ZNF423: variants seen among roughly 807,000 people sequenced by gnomAD.
ZNF423 encodes the protein Ebf-associated zinc finger protein.
ZNF423 carries 12 observed loss-of-function variants against 95.8 expected under a neutral mutation model. The observed-to-expected ratio is 0.13, with a 90% confidence interval of 0.08 to 0.20. The LOEUF is 0.20. ZNF423 is among the 10% of genes least tolerant of loss of function. The pLI is 1.00. For missense variants in ZNF423, 1,316 were observed against 1,737.1 expected, an observed-to-expected ratio of 0.76 and a Z score of 4.31; for synonymous variants, 749 against 711.9, an observed-to-expected ratio of 1.05 and a Z score of -0.83.
chr16:49,522,834 T>G (rs1478452462), intron 7 of ZNF423, among the ~76,000 whole-genome samples: 2 of 152,228 alleles, frequency 1.3e-5, no homozygotes, highest in East Asian at 3.9e-4. Flanking sequence ...GATTTTTCTG[T>G]GTACGTGTGT....
intron 2 of ZNF423, among the ~76,000 whole-genome samples, chr16:49,758,079 G>C (rs1189640312): frequency 6.6e-6 from 1 of 152,200 alleles, no homozygotes; most frequent in African/African-American, 2.4e-5. Flanking sequence ...CCTGCCAAAG[G>C]TAGAAAATGG....
At chr16:49,633,557 G>A (rs540171711) in intron 4 of ZNF423, among the ~76,000 whole-genome samples, 4 of 152,288 alleles carry the variant, frequency 2.6e-5, no homozygotes, top group African/African-American at 9.6e-5. Context: ...CTCTGGCTTC[G>A]TAGTGGAACA....
At chr16:49,633,302 G>A (rs992662495) in intron 4 of ZNF423, among the ~76,000 whole-genome samples, 4 of 152,212 alleles carry the variant, frequency 2.6e-5, no homozygotes, top group Admixed American at 6.5e-5. Context: ...AAATATCAGC[G>A]ACATTTACTA....
chr16:49,838,531 C>A (rs2035145600), intron 1 of ZNF423, among the ~76,000 whole-genome samples: 1 of 152,196 alleles, frequency 6.6e-6, no homozygotes, highest in Admixed American at 6.5e-5. Context: ...CCCAGCCCCA[C>A]CCCAAAGCGG....
intron 3 of ZNF423, among the ~76,000 whole-genome samples, chr16:49,657,899 T>A (rs2029971279): frequency 6.6e-6 from 1 of 152,192 alleles, no homozygotes; most frequent in Non-Finnish European, 1.5e-5. Context: ...CCACAGCCCC[T>A]AATCTGCACC....
intron 5 of ZNF423, among the ~76,000 whole-genome samples, chr16:49,612,237 G>A (rs1349704735): frequency 1.3e-5 from 2 of 151,740 alleles, no homozygotes; most frequent in Admixed American, 6.6e-5. Flanking sequence ...AATCCCTGAC[G>A]AAGTATTAGC....
At chr16:49,693,204 A>T (rs938649532) in intron 3 of ZNF423, among the ~76,000 whole-genome samples, 1 of 152,200 alleles carries the variant, frequency 6.6e-6, no homozygotes, top group Non-Finnish European at 1.5e-5. Context: ...TCCATTCATC[A>T]AATATCTATT....
chr16:49,778,374 C>T (rs943672469), intron 2 of ZNF423, among the ~76,000 whole-genome samples: 18 of 152,230 alleles, frequency 1.2e-4, no homozygotes, highest in Admixed American at 6.5e-4. Context: ...AGCCAACACA[C>T]GCCAGGTGGT....
intron 5 of ZNF423, among the ~76,000 whole-genome samples, chr16:49,606,642 C>T (rs548203801): frequency 6.6e-6 from 1 of 152,284 alleles, no homozygotes; most frequent in Non-Finnish European, 1.5e-5. Flanking sequence ...TTAGGAAGCA[C>T]ATGAATGTTT....
chr16:49,557,712 T>C (rs143477966), intron 5 of ZNF423, among the ~76,000 whole-genome samples: 1 of 152,238 alleles, frequency 6.6e-6, no homozygotes, highest in African/African-American at 2.4e-5. Flanking sequence ...TTCACAAAGA[T>C]GCAGAAACTC....
intron 1 of ZNF423, among the ~76,000 whole-genome samples, chr16:49,797,422 A>C (rs2034515692): frequency 6.6e-6 from 1 of 152,206 alleles, no homozygotes; most frequent in African/African-American, 2.4e-5. Flanking sequence ...AAGCATAGCC[A>C]ATCACTTTTC....
chr16:49,526,974 G>C (rs534855979), intron 5 of ZNF423, among the ~76,000 whole-genome samples: 33 of 152,344 alleles, frequency 2.2e-4, no homozygotes, highest in African/African-American at 7.5e-4. Context: ...AAGGCGCCAG[G>C]TGCTCTGATT....
intron 5 of ZNF423, among the ~76,000 whole-genome samples, chr16:49,620,174 A>AACACACACAT (rs71134594): frequency 6.7e-6 from 1 of 149,010 alleles, no homozygotes; most frequent in South Asian, 2.2e-4. Flanking sequence ...ACACACACAC[A>AACACACACAT]ACACACACAT....
At chr16:49,562,453 C>T (rs1263528913) in intron 5 of ZNF423, among the ~76,000 whole-genome samples, 1 of 152,230 alleles carries the variant, frequency 6.6e-6, no homozygotes, top group Non-Finnish European at 1.5e-5. Flanking sequence ...CTGATACACA[C>T]CCGATGGGTG....
At chr16:49,713,422 G>A (rs1175240838) in intron 3 of ZNF423, among the ~76,000 whole-genome samples, 4 of 152,124 alleles carry the variant, frequency 2.6e-5, no homozygotes, top group East Asian at 1.9e-4. Flanking sequence ...TTCCTGCAGC[G>A]ACTGCAGTGG....
At chr16:49,806,434 T>C (rs544218596) in intron 1 of ZNF423, among the ~76,000 whole-genome samples, 1 of 152,388 alleles carries the variant, frequency 6.6e-6, no homozygotes, top group African/African-American at 2.4e-5. Context: ...CTCTCTTTCC[T>C]TCTTTCCACT....
chr16:49,813,049 A>G (rs2143969825), intron 1 of ZNF423, among the ~76,000 whole-genome samples: 1 of 152,114 alleles, frequency 6.6e-6, no homozygotes, highest in South Asian at 2.1e-4. Flanking sequence ...GGGGTGCTGC[A>G]TTTTTGCCTT....
chr16:49,511,110 G>C (rs1015982796), intron 7 of ZNF423, among the ~76,000 whole-genome samples: 1 of 152,234 alleles, frequency 6.6e-6, no homozygotes, highest in Non-Finnish European at 1.5e-5. Context: ...CAAGGCTCAC[G>C]AGGGTATCTG....
intron 7 of ZNF423, among the ~76,000 whole-genome samples, chr16:49,513,507 A>C (rs1967983145): frequency 6.6e-6 from 1 of 152,184 alleles, no homozygotes; most frequent in Non-Finnish European, 1.5e-5. Flanking sequence ...CCATCTTATA[A>C]GGACCAGGGA....
Sources: allele counts gnomAD v4.1 joint callset (sites outside exome capture counted in the v4.1 genomes callset), GRCh38; gene constraint gnomAD v4.1.1; transcripts MANE v1.5; gene names NCBI Gene and HGNC (gene_info 2026-07-23, HGNC 2026-07-21).